Variants in EFCAB8 observed in about 807,000 individuals in gnomAD.
EFCAB8 encodes EF-hand calcium binding domain 8, also known as EF-hand calcium-binding domain-containing protein 8.
Under a neutral mutation model 116.3 loss-of-function variants are expected in EFCAB8, and 100 were observed. The ratio of observed to expected loss-of-function variants is 0.86; its 90% CI spans 0.73 to 1.02. The LOEUF (loss-of-function observed/expected upper bound fraction) is 1.02, where lower values mean the gene tolerates loss of function less well. EFCAB8 is among the 50% of genes least tolerant of loss of function. The pLI is 0.00. For synonymous variants in EFCAB8, 558 were observed against 567.9 expected (o/e 0.98, Z 0.25); for missense variants, 1,320 against 1,416.9 (o/e 0.93, Z 1.10).
chr20:32,910,152 G>A (rs1357163798), intron 15 of EFCAB8, among the ~76,000 whole-genome samples: 1 of 152,188 alleles, frequency 6.6e-6, no homozygotes, highest in Non-Finnish European at 1.5e-5. Flanking sequence ...GTTAGCCATG[G>A]GATCGCCTAA....
At chr20:32,919,795 G>A (rs1987362266) in intron 19 of EFCAB8, among the ~76,000 whole-genome samples, 1 of 152,056 alleles carries the variant, frequency 6.6e-6, no homozygotes, top group Non-Finnish European at 1.5e-5. Flanking sequence ...CACCACGACC[G>A]ACCTTTATCC....
intron 22 of EFCAB8, among the ~76,000 whole-genome samples, chr20:32,938,994 TTCCTTCCC>T (rs1173860048): frequency 5.3e-5 from 7 of 132,896 alleles, no homozygotes; most frequent in East Asian, 2.1e-4. Context: ...CCTTCCTTCC[TTCCTTCCC>T]TCCTTCCCTC....
chr20:32,882,691 T>TTTG lies in EFCAB8; in HGVS notation c.432-2796_432-2794dup, dbSNP rs546681766. On this transcript the variant is annotated intron_variant, in intron 5 of 26. Transcript: ENST00000400522. ...GGCCGCCACCACGCCTGGCCGATTT[T>TTTG]TTGTTGTTGTTGTTGTTGTTTTGAG... 4.2e-4 allele frequency among the ~76,000 whole-genome samples: 64 copies of TTTG among 151,786 alleles called. No homozygotes were observed. In the East Asian group the frequency reaches 6.8e-3, roughly 16 times the overall value.
At chr20:32,946,616 C>A (rs887156387) in intron 23 of EFCAB8, among the ~76,000 whole-genome samples, 6 of 152,056 alleles carry the variant, frequency 3.9e-5, no homozygotes, top group African/African-American at 1.4e-4. Flanking sequence ...CTAGTGTTAT[C>A]TTTTAGAAGC....
At chr20:32,940,728 T>C (rs1169599872) in intron 22 of EFCAB8, among the ~76,000 whole-genome samples, 1 of 149,810 alleles carries the variant, frequency 6.7e-6, no homozygotes, top group African/African-American at 2.5e-5. Flanking sequence ...ATAAAAATGA[T>C]AAATAACCAA....
rs1985959927 is a variant in EFCAB8, at chr20:32,892,311, G to C, written c.758+14G>C. On this transcript the variant is annotated intron_variant, in intron 8 of 26. Transcript: ENST00000400522. ...CATGGACTACTGGTGAGTCTCCACT[G>C]GGTGTTCCTCACATGAACCAGGAGG... The C allele has an allele frequency of 1.3e-6, 2 of 1,550,942 alleles. No homozygotes were observed. The highest frequency in any genetic ancestry group is 1.2e-5 in the South Asian group (1 of 84,020).
In EFCAB8 at chr20:32,958,472, C is replaced by T. The variant is rs1381900899; in HGVS notation, c.3011C>T (p.Pro1004Leu). ...AGACTACAGGATGCCTGTGATGGTC[C>T]TCGTGAAAACAGAGCAAGCTTAGAG... is the stretch of plus-strand genomic sequence containing the variant. ...WKRLQDACDG[P>L]RENRASLEED... The change falls in exon 24 of 27, where the codon CCT becomes CTT. Residue 1004 changes from proline to leucine, a missense_variant. Pro to Leu is a moderately conservative substitution (Grantham distance 98). Coordinates refer to ENST00000400522, the MANE Select transcript of EFCAB8 (RefSeq NM_001143967.2). The T allele has an allele frequency of 1.7e-5, 7 of 416,878 alleles. No individual in the cohort carries two copies. Among genetic ancestry groups the T allele is most frequent in the African/African-American group, 8.2e-5 (4 of 48,792 alleles). 25.8% of individuals were successfully genotyped at this position (416,878 alleles called of 1,614,324 possible). A position where few individuals can be genotyped will look rare whatever the true frequency, so the allele number is the denominator to read the frequency against.
intron 11 of EFCAB8, among the ~76,000 whole-genome samples, chr20:32,905,381 C>T (rs904789244): frequency 2.6e-5 from 4 of 152,056 alleles, no homozygotes; most frequent in Admixed American, 6.5e-5. Context: ...GAAGAATGGA[C>T]GGTCATGCAG....
rs111366042 is a variant in EFCAB8, at chr20:32,892,710, C to T, written c.758+413C>T. Among the ~76,000 whole-genome samples, 85 of 152,162 alleles carry T rather than the reference C, an allele frequency of 5.6e-4. 1 individual carries two copies. The highest frequency in any genetic ancestry group is 1.9e-3 in the African/African-American group (78 of 41,488). ...TGGGCTGGACCTGGTCTCCTGGGCC[C>T]GTGTTTGTTGGCTCCTCAGGTGTCT... On this transcript the variant is annotated intron_variant, in intron 8 of 26. Transcript: ENST00000400522.
chr20:32,953,945 G>A (rs1237678102), intron 23 of EFCAB8, among the ~76,000 whole-genome samples: 1 of 151,998 alleles, frequency 6.6e-6, no homozygotes, highest in Non-Finnish European at 1.5e-5. Flanking sequence ...CGAGTAGCTG[G>A]GCTTACAGGC....
Position 32,867,660 on chromosome 20 carries a change from G to C in EFCAB8, c.121G>C (p.Asp41His), listed in dbSNP as rs745660844. 151 of 1,551,550 alleles carry C rather than the reference G, an allele frequency of 9.7e-5. No individual in the cohort carries two copies. The highest frequency in any genetic ancestry group is 1.3e-4 in the Non-Finnish European group (144 of 1,147,004). The change falls in exon 3 of 27, where the codon GAC (aspartate) becomes CAC (histidine). Residue 41 changes from aspartate to histidine, a missense_variant. By Grantham distance (81) the Asp-to-His change is moderately conservative. Transcript: ENST00000400522. ...TPSITLSQVP[D>H]LQPGSQLFTE... ...ATCCATCACCCTTAGCCAGGTGCCT[G>C]ACCTCCAGCCTGGGTCCCAGCTGTT...
intron 15 of EFCAB8, among the ~76,000 whole-genome samples, chr20:32,910,620 C>T (rs1304435385): frequency 4.6e-5 from 7 of 152,138 alleles, no homozygotes; most frequent in Non-Finnish European, 8.8e-5. Flanking sequence ...ACCACCCTCT[C>T]TCACTGCCTC....
chr20:32,874,120 C>G (rs1984828894), intron 3 of EFCAB8, among the ~76,000 whole-genome samples: 1 of 152,012 alleles, frequency 6.6e-6, no homozygotes, highest in Non-Finnish European at 1.5e-5. Flanking sequence ...GCGGTTTCAC[C>G]ATGTTGCCCA....
chr20:32,876,448 A>G (rs1439147567), intron 4 of EFCAB8, among the ~76,000 whole-genome samples: 1 of 152,256 alleles, frequency 6.6e-6, no homozygotes, highest in East Asian at 1.9e-4. Flanking sequence ...TCAGGCTTTT[A>G]CAGCATCATA....
At chr20:32,866,741 C>T (rs1414598006) in intron 2 of EFCAB8, among the ~76,000 whole-genome samples, 1 of 151,200 alleles carries the variant, frequency 6.6e-6, no homozygotes, top group Non-Finnish European at 1.5e-5. Context: ...TCCTTCCTTC[C>T]TTCCTTCCCT....
At chr20:32,919,977 C>A in intron 19 of EFCAB8, 101 bp from the exon 20 acceptor site, 1 of 1,464,634 alleles carries the variant, frequency 6.8e-7, no homozygotes, top group Non-Finnish European at 9.3e-7. Flanking sequence ...ACTGCGGGGG[C>A]TTGGGAGTGC....
chr20:32,921,358 A>C (rs1987440983), intron 20 of EFCAB8, among the ~76,000 whole-genome samples: 1 of 91,384 alleles, frequency 1.1e-5, no homozygotes, highest in Non-Finnish European at 2.4e-5. Flanking sequence ...ATGCCCAGCT[A>C]TTTTGTGTGT....
chr20:32,925,850 A>G (rs1987648680), intron 20 of EFCAB8, among the ~76,000 whole-genome samples: 1 of 152,234 alleles, frequency 6.6e-6, no homozygotes, highest in Non-Finnish European at 1.5e-5. Flanking sequence ...TCCTGGGCTG[A>G]GTGAGACTGA....
Position 32,893,228 on chromosome 20 carries a change from T to C in EFCAB8, c.813T>C (p.Ile271=), listed in dbSNP as rs1451118327. 1.5e-5 allele frequency: 24 copies of C among 1,551,886 alleles called. No individual in the cohort carries two copies. The highest frequency in any genetic ancestry group is 2.0e-5 in the Non-Finnish European group (23 of 1,147,072). ...FCYGDAKGNV[I]VFTSENMTSG... is the part of the protein sequence containing the mutation. ...ATGGAGACGCCAAAGGCAACGTCATTGTCTTCACCTCCGAAAACATGACCA... is the reference window on the plus strand; with the variant it reads ...ATGGAGACGCCAAAGGCAACGTCATCGTCTTCACCTCCGAAAACATGACCA... Residue 271 remains isoleucine (I), a synonymous_variant, in exon 9 of 27, where the codon ATT becomes ATC. Transcript: ENST00000400522.
Sources: allele counts gnomAD v4.1 joint callset (sites outside exome capture counted in the v4.1 genomes callset), GRCh38; gene constraint gnomAD v4.1.1; transcripts MANE v1.5; gene names NCBI Gene and HGNC (gene_info 2026-07-23, HGNC 2026-07-21).